The following HEATR4 variants were observed in gnomAD, a reference collection of about 807,000 sequenced individuals.
The protein encoded by HEATR4 is HEAT repeat containing 4.
A neutral mutation model predicts 108.8 loss-of-function variants in HEATR4; 95 were observed. The observed-to-expected ratio is 0.87, with a 90% CI of 0.74 to 1.04. The LOEUF (loss-of-function observed/expected upper bound fraction) is 1.04, where lower values mean the gene tolerates loss of function less well. Among genes scored for constraint, HEATR4 ranks in the 50% least tolerant of loss-of-function variants. The pLI, the probability that HEATR4 is intolerant of heterozygous loss-of-function variation, is 0.00. For missense variants in HEATR4, 1,152 were observed against 1,253.8 expected (o/e 0.92, Z 1.23); for synonymous variants, 443 against 459.4 (o/e 0.96, Z 0.46).
chr14:73,506,804 GT>G (rs34660727), intron 9 of HEATR4, among the ~76,000 whole-genome samples: 13,603 of 80,256 alleles, frequency 0.17, 1,329 homozygotes, highest in Admixed American at 0.27. Context: ...GACTTTAACT[GT>G]TTTTTTTTTT....
chr14:73,616,698 A>AT, the HEATR4 span: 6 of 207,988 alleles, frequency 2.9e-5, no homozygotes, highest in Admixed American at 6.0e-5. Flanking sequence ...GTCAAAAAAA[A>AT]ATTTTTTTTT....
At position 73,524,310 on chromosome 14, in the gene HEATR4, A is replaced by AAATATATATATATAT; in HGVS notation, c.-72-1087_-72-1086insATATATATATATATT. On this transcript the variant is annotated intron_variant, in intron 2 of 17. Coordinates refer to ENST00000553558, the MANE Select transcript of HEATR4 (RefSeq NM_001220484.1). ...CTCCGTCTCAAAAAAAAAAAAAAAA[A>AAATATATATATATAT]ATATATATATATATATATATATATA... 2.6e-4 allele frequency among the ~76,000 whole-genome samples: 14 copies of AAATATATATATATAT among 54,782 alleles called. No homozygotes were observed. In the East Asian group the frequency reaches 4.1e-3, roughly 16 times the overall value. 35.9% of individuals were successfully genotyped at this position (54,782 alleles called of 152,430 possible). A position where few individuals can be genotyped will look rare whatever the true frequency, so the allele number is the denominator to read the frequency against.
At chr14:73,500,094 G>A (rs1290852731) in intron 12 of HEATR4, among the ~76,000 whole-genome samples, 2 of 152,136 alleles carry the variant, frequency 1.3e-5, no homozygotes, top group Non-Finnish European at 2.9e-5. Context: ...GCCAGGTGTG[G>A]TGGCAGGTGC....
Position 73,538,399 on chromosome 14 carries a change from G to C in HEATR4, c.-151-8155C>G, listed in dbSNP as rs1387031403. On this transcript the variant is annotated intron_variant, in intron 1 of 17. Coordinates refer to ENST00000553558, the MANE Select transcript of HEATR4 (RefSeq NM_001220484.1). ...GAAGCCGAGGCGGGCGGATCACGAC[G>C]TCAGGAGATCAAGGCCATCCTGGCT... 2.7e-5 allele frequency among the ~76,000 whole-genome samples: 3 copies of C among 111,020 alleles called. 1 individual carries two copies. The highest frequency in any genetic ancestry group is 5.8e-5 in the Non-Finnish European group (3 of 51,418). The allele number at this position is 111,020 out of a possible 152,430, so 72.8% of individuals were successfully genotyped here.
chr14:73,613,006 C>T, the HEATR4 span: 12 of 957,688 alleles, frequency 1.3e-5, no homozygotes, highest in African/African-American at 1.7e-5. Flanking sequence ...GCCCGGTGCG[C>T]GCCGCGCTCT....
At chr14:73,590,994 C>T in the HEATR4 span, among the ~76,000 whole-genome samples, 1 of 152,262 alleles carries the variant, frequency 6.6e-6, no homozygotes, top group African/African-American at 2.4e-5. Context: ...GTATCACTAG[C>T]ACTTTGGGAC....
At chr14:73,597,074 A>T in the HEATR4 span, among the ~76,000 whole-genome samples, 3 of 136,992 alleles carry the variant, frequency 2.2e-5, no homozygotes, top group Non-Finnish European at 3.2e-5. Flanking sequence ...ATTTTATTTT[A>T]TTTATTTATT....
At chr14:73,569,357 G>A in the HEATR4 span, 1 of 1,614,002 alleles carries the variant, frequency 6.2e-7, no homozygotes, top group Non-Finnish European at 8.5e-7. Flanking sequence ...GGAGCCTGAA[G>A]AGTTCGGCGC....
At chr14:73,551,331 C>T (rs1442836216) in intron 1 of HEATR4, among the ~76,000 whole-genome samples, 4 of 115,058 alleles carry the variant, frequency 3.5e-5, no homozygotes, top group African/African-American at 1.1e-4. Context: ...TTCTCCCTCA[C>T]CCACTAGGAA....
chr14:73,603,395 G>T, the HEATR4 span, among the ~76,000 whole-genome samples: 1 of 151,582 alleles, frequency 6.6e-6, no homozygotes, highest in Non-Finnish European at 1.5e-5. Flanking sequence ...TTGCTCTGTC[G>T]CCAGGCTGGA....
the HEATR4 span, among the ~76,000 whole-genome samples, chr14:73,603,324 T>C: frequency 1.3e-5 from 2 of 152,158 alleles, no homozygotes; most frequent in Non-Finnish European, 2.9e-5. Flanking sequence ...TGAAGACATT[T>C]GCATTTTACC....
the HEATR4 span, among the ~76,000 whole-genome samples, chr14:73,586,083 AT>A: frequency 6.7e-6 from 1 of 149,516 alleles, no homozygotes; most frequent in East Asian, 1.9e-4. Flanking sequence ...GAAAACATTT[AT>A]TTTTTATTTT....
rs1450045226 is a variant in HEATR4, at chr14:73,514,154, TCTCACCCA to T, written c.1283_1290del (p.Val428GlufsTer6). 9.9e-6 allele frequency: 16 copies of T among 1,614,040 alleles called. No individual in the cohort carries two copies. The highest frequency in any genetic ancestry group is 5.1e-6 in the Non-Finnish European group (6 of 1,180,034). On this transcript the variant is annotated frameshift_variant, in exon 6 of 18. Transcript: ENST00000553558. LOFTEE classifies it high-confidence loss of function. Reference sequence around the variant, plus strand: ...CTCCTGGTCTTAATAGGCACATCCTTCTCACCCACCTGCAGCAGCATATCCTTGGCGGG... The same window carrying T: ...CTCCTGGTCTTAATAGGCACATCCTTCCTGCAGCAGCATATCCTTGGCGGG...
chr14:73,564,562 C>T, the HEATR4 span, among the ~76,000 whole-genome samples: 20 of 150,560 alleles, frequency 1.3e-4, no homozygotes, highest in African/African-American at 3.4e-4. Context: ...GCTATGATCA[C>T]ACCACTGCAC....
the HEATR4 span, among the ~76,000 whole-genome samples, chr14:73,610,290 C>CT: frequency 0.5 from 69,502 of 140,254 alleles, 17,687 homozygotes; most frequent in East Asian, 0.84. Flanking sequence ...TCAAGTGTCG[C>CT]TTTTTTTTTT....
chr14:73,596,914 A>G, the HEATR4 span, among the ~76,000 whole-genome samples: 6 of 151,930 alleles, frequency 3.9e-5, no homozygotes, highest in South Asian at 2.1e-4. Flanking sequence ...AGCATTTATT[A>G]ATATAAGCGT....
the HEATR4 span, among the ~76,000 whole-genome samples, chr14:73,603,281 T>TAGGG: frequency 6.6e-6 from 1 of 152,224 alleles, no homozygotes; most frequent in Admixed American, 6.5e-5. Context: ...GCAAACCTAA[T>TAGGG]ATTTGAACGT....
chr14:73,632,495 CTA>C, the HEATR4 span, among the ~76,000 whole-genome samples: 1 of 151,810 alleles, frequency 6.6e-6, no homozygotes, highest in African/African-American at 2.4e-5. Flanking sequence ...GAATGAAAAA[CTA>C]TGGTTTTATT....
the HEATR4 span, among the ~76,000 whole-genome samples, chr14:73,568,576 A>AG: frequency 1.3e-5 from 2 of 151,568 alleles, no homozygotes; most frequent in African/African-American, 4.8e-5. Flanking sequence ...AAAAAAAAAA[A>AG]GTAACCCTTG....
Sources: gnomAD v4.1 joint callset for allele counts (sites outside exome capture counted in the v4.1 genomes callset) on GRCh38, gnomAD v4.1.1 for gene constraint, MANE v1.5 for transcripts, NCBI Gene and HGNC (gene_info 2026-07-23, HGNC 2026-07-21) for gene names.